AHCYL1: variants seen among roughly 807,000 people sequenced by gnomAD.
The protein encoded by AHCYL1 is adenosylhomocysteinase like 1.
AHCYL1 carries 20 observed loss-of-function variants against 79.3 expected under a neutral mutation model. That is an observed-to-expected ratio of 0.25 (90% confidence interval 0.18 to 0.37). The LOEUF is 0.37. Among genes scored for constraint, AHCYL1 ranks in the 10% least tolerant of loss-of-function variants. The pLI is 1.00. For synonymous variants in AHCYL1, 223 were observed against 242.2 expected, an observed-to-expected ratio of 0.92 and a Z score of 0.74; for missense variants, 330 against 673.6, an observed-to-expected ratio of 0.49 and a Z score of 5.65.
chr1:110,020,807 T>C lies in AHCYL1; in HGVS notation c.1542T>C (p.Tyr514=), dbSNP rs1651747710. Residue 514 remains tyrosine (Y), a synonymous_variant, in exon 16 of 17, where the codon TAT becomes TAC. Transcript: ENST00000369799. ...AGCTGACAGATGACCAAGCAAAATATCTGGGACTCAACAAAAATGGGCCAT... is the reference window on the plus strand; with the variant it reads ...AGCTGACAGATGACCAAGCAAAATACCTGGGACTCAACAAAAATGGGCCAT... ...LTELTDDQAK[Y]LGLNKNGPFK... 1.2e-6 allele frequency: 2 copies of C among 1,613,730 alleles called. No homozygotes were observed. The highest frequency in any genetic ancestry group is 3.3e-5 in the Admixed American group (2 of 59,940).
At chr1:110,008,999 A>G in intron 1 of AHCYL1, 35 bp from the exon 2 acceptor site, 1 of 1,508,208 alleles carries the variant, frequency 6.6e-7, no homozygotes, top group South Asian at 1.2e-5. Flanking sequence ...GATTTTCCTT[A>G]TAAGTTTTCA....
Position 110,016,347 on chromosome 1 carries a change from G to A in AHCYL1, c.786G>A (p.Leu262=), listed in dbSNP as rs149672808. The A allele has an allele frequency of 4.3e-4, 691 of 1,611,874 alleles. 1 individual carries two copies. In the African/African-American group the frequency reaches 4.6e-3, roughly 11 times the overall value. The change falls in exon 8 of 17, where the codon CTG becomes CTA. Residue 262 remains leucine (L), a synonymous_variant. Coordinates refer to ENST00000369799, the MANE Select transcript of AHCYL1 (RefSeq NM_006621.7). ...TTGTGACCTCTTCTCTCTTTAGGCT[G>A]TATCAGCTCTCCAAAGCTGGGAAGC... The part of the protein sequence containing the change: ...VEESVTGVHR[L]YQLSKAGKLC...
chr1:109,985,364 T>C, intron 1 of AHCYL1, 192 bp downstream of exon 1: 1 of 1,321,792 alleles, frequency 7.6e-7, no homozygotes, highest in Non-Finnish European at 9.7e-7. Context: ...CGCTTTCCTT[T>C]GTCCCTCGGC....
chr1:109,987,021 A>C, intron 1 of AHCYL1, among the ~76,000 whole-genome samples: 1 of 152,224 alleles, frequency 6.6e-6, no homozygotes, highest in East Asian at 1.9e-4. Flanking sequence ...TCTGCCAGGA[A>C]TGTGGGAAGA....
chr1:109,985,942 T>C (rs1451278172), intron 1 of AHCYL1, among the ~76,000 whole-genome samples: 1 of 152,188 alleles, frequency 6.6e-6, no homozygotes, highest in Non-Finnish European at 1.5e-5. Flanking sequence ...TATTGTGCTG[T>C]AGGTTGACTC....
chr1:110,011,426 C>T (rs1422142410), intron 3 of AHCYL1, 69 bp downstream of exon 3: 3 of 1,584,620 alleles, frequency 1.9e-6, no homozygotes, highest in Non-Finnish European at 2.6e-6. Context: ...CCACAAACAA[C>T]TTAAGACTTG....
rs926187106 is a variant in AHCYL1 at position 110,011,703 on chromosome 1, A to G, written c.376+346A>G. Among the ~76,000 whole-genome samples, 3 of 152,242 alleles carry G rather than the reference A, an allele frequency of 2.0e-5. 1 individual carries two copies. Among genetic ancestry groups the G allele is most frequent in the Non-Finnish European group, 4.4e-5 (3 of 68,044 alleles). On this transcript the variant is annotated intron_variant, in intron 3 of 16. Coordinates refer to ENST00000369799, the MANE Select transcript of AHCYL1 (RefSeq NM_006621.7). ...GGATCTTACTATAGCTGCCAATGGCAGAGACCCAGATTGCCCAGAAGCAGC... is the reference window on the plus strand; with the variant it reads ...GGATCTTACTATAGCTGCCAATGGCGGAGACCCAGATTGCCCAGAAGCAGC...
intron 1 of AHCYL1, among the ~76,000 whole-genome samples, chr1:109,990,025 C>T (rs1649670874): frequency 6.6e-6 from 1 of 152,182 alleles, no homozygotes; most frequent in Non-Finnish European, 1.5e-5. Context: ...CACAGAATTG[C>T]AGTTGCCTTT....
Position 110,021,686 on chromosome 1 carries a change from C to A in AHCYL1, c.*6C>A. 6.2e-7 allele frequency: 1 copy of A among 1,611,628 alleles called. No individual in the cohort carries two copies. The highest frequency in any genetic ancestry group is 8.5e-7 in the Non-Finnish European group (1 of 1,178,274). On this transcript the variant is annotated 3_prime_UTR_variant, in exon 17 of 17. Transcript: ENST00000369799. ...TCTCTCTTTACAGATACTAATGGAC[C>A]ATACTACCAAGGACCAGTCCACCTG...
At chr1:110,002,595 A>G (rs1650377670) in intron 1 of AHCYL1, among the ~76,000 whole-genome samples, 1 of 152,232 alleles carries the variant, frequency 6.6e-6, no homozygotes, top group Non-Finnish European at 1.5e-5. Flanking sequence ...TCCCAATATA[A>G]TTGGTTCAGG....
chr1:110,020,929 G>A, intron 16 of AHCYL1, 78 bp downstream of exon 16: 1 of 1,528,720 alleles, frequency 6.5e-7, no homozygotes. Context: ...CTGACATAAA[G>A]ATCAAATGTT....
chr1:110,017,383 C>A, intron 9 of AHCYL1, 112 bp from the exon 10 acceptor site: 1 of 936,236 alleles, frequency 1.1e-6, no homozygotes, highest in Non-Finnish European at 1.7e-6. Context: ...AGCTGCTCAC[C>A]AGATGACAGG....
chr1:110,021,949 A>C lies in AHCYL1; in HGVS notation c.*269A>C. The C allele has an allele frequency of 2.4e-6, 1 of 422,356 alleles. No homozygotes were observed. Among genetic ancestry groups the C allele is most frequent in the African/African-American group, 2.1e-5 (1 of 48,664 alleles). The allele number at this position is 422,356 out of a possible 1,614,324, so 26.2% of individuals were successfully genotyped here. A position where few individuals can be genotyped will look rare whatever the true frequency, so the allele number is the denominator to read the frequency against. On this transcript the variant is annotated 3_prime_UTR_variant, in exon 17 of 17. Coordinates refer to ENST00000369799, the MANE Select transcript of AHCYL1 (RefSeq NM_006621.7). ...AGCCCAGAAAGGTGATTCTTTCTTT[A>C]CCATTTCTGGGGACTTTAGTCTTAA...
At chr1:110,020,677 C>G in intron 15 of AHCYL1, 54 bp from the exon 16 acceptor site, 1 of 1,526,714 alleles carries the variant, frequency 6.6e-7, no homozygotes, top group African/African-American at 1.4e-5. Flanking sequence ...GAAGTTATAA[C>G]TTGAGAGACA....
At chr1:109,994,417 C>T (rs190150542) in intron 1 of AHCYL1, among the ~76,000 whole-genome samples, 169 of 152,146 alleles carry the variant, frequency 1.1e-3, no homozygotes, top group African/African-American at 3.8e-3. Flanking sequence ...CATGTGCCAC[C>T]ACACCTGGCT....
chr1:110,021,764 C>A lies in AHCYL1; in HGVS notation c.*84C>A. On this transcript the variant is annotated 3_prime_UTR_variant, in exon 17 of 17. Coordinates refer to ENST00000369799, the MANE Select transcript of AHCYL1 (RefSeq NM_006621.7). ...TAAGATAACTTTTATTTTCTTCTTA[C>A]TCCTTTCCTCTTGATTTTTTTCCTA... 7.1e-7 allele frequency: 1 copy of A among 1,401,978 alleles called. No individual in the cohort carries two copies. The highest frequency in any genetic ancestry group is 9.9e-7 in the Non-Finnish European group (1 of 1,012,576). The allele number at this position is 1,401,978 out of a possible 1,614,324, so 86.8% of individuals were successfully genotyped here. A position where few individuals can be genotyped will look rare whatever the true frequency, so the allele number is the denominator to read the frequency against.
chr1:109,985,329 C>T (rs1215119715), intron 1 of AHCYL1, 157 bp downstream of exon 1: 2 of 1,339,886 alleles, frequency 1.5e-6, no homozygotes, highest in Non-Finnish European at 1.9e-6. Context: ...AGGCCTCTCC[C>T]GGGCTGAAAG....
chr1:110,017,044 C>A (rs780837961), intron 9 of AHCYL1, among the ~76,000 whole-genome samples: 1 of 152,120 alleles, frequency 6.6e-6, no homozygotes, highest in Non-Finnish European at 1.5e-5. Flanking sequence ...AAGTGACTTG[C>A]AGTAGAATTA....
At chr1:110,016,152 A>G (rs1285171472) in intron 7 of AHCYL1, among the ~76,000 whole-genome samples, 192 bp from the exon 8 acceptor site, 2 of 152,168 alleles carry the variant, frequency 1.3e-5, no homozygotes, top group Non-Finnish European at 2.9e-5. Context: ...AAAGGGGTAA[A>G]GGGAGAAGAA....
Sources: allele counts gnomAD v4.1 joint callset (sites outside exome capture counted in the v4.1 genomes callset), GRCh38; gene constraint gnomAD v4.1.1; transcripts MANE v1.5; gene names NCBI Gene and HGNC (gene_info 2026-07-23, HGNC 2026-07-21).